RAB3GAP2: variants seen among roughly 807,000 people sequenced by gnomAD.
The protein encoded by RAB3GAP2 is RAB3 GTPase activating non-catalytic protein subunit 2.
A neutral mutation model predicts 185.3 loss-of-function variants in RAB3GAP2; 87 were observed. That is an observed-to-expected ratio of 0.47 (90% confidence interval 0.39 to 0.56). The LOEUF (loss-of-function observed/expected upper bound fraction) is 0.56, where lower values mean the gene tolerates loss of function less well. Ranked by LOEUF, RAB3GAP2 falls within the 20% of genes least tolerant of loss-of-function variation. The pLI, the probability that RAB3GAP2 is intolerant of heterozygous loss-of-function variation, is 0.00. For synonymous variants in RAB3GAP2, 554 were observed against 576.1 expected (o/e 0.96, Z 0.55); for missense variants, 1,492 against 1,638.2 (o/e 0.91, Z 1.54).
At chr1:220,215,972 T>A (rs1423912795) in intron 2 of RAB3GAP2, among the ~76,000 whole-genome samples, 3 of 152,150 alleles carry the variant, frequency 2.0e-5, no homozygotes, top group Non-Finnish European at 4.4e-5. Context: ...CAGAAAATCA[T>A]CCTAGTCAGA....
chr1:220,174,984 G>GA (rs1242205295), intron 21 of RAB3GAP2, among the ~76,000 whole-genome samples: 1 of 152,084 alleles, frequency 6.6e-6, no homozygotes, highest in Non-Finnish European at 1.5e-5. Context: ...TAGGTAGGCT[G>GA]AAAAAATTGG....
At chr1:220,183,034 A>G (rs1188455933) in intron 19 of RAB3GAP2, 103 bp from the exon 20 acceptor site, 24 of 853,430 alleles carry the variant, frequency 2.8e-5, no homozygotes, top group Non-Finnish European at 1.9e-5. Flanking sequence ...TTTAATTAAT[A>G]TAATACCTAT....
intron 9 of RAB3GAP2, among the ~76,000 whole-genome samples, 174 bp downstream of exon 9, chr1:220,202,102 T>C (rs1215138800): frequency 6.6e-6 from 1 of 151,820 alleles, no homozygotes; most frequent in Non-Finnish European, 1.5e-5. Context: ...AAGGTGGAGG[T>C]TGCAGTGAGC....
intron 24 of RAB3GAP2, among the ~76,000 whole-genome samples, chr1:220,170,269 G>T (rs1334984426): frequency 6.6e-6 from 1 of 152,140 alleles, no homozygotes; most frequent in Non-Finnish European, 1.5e-5. Context: ...GCCTGTGGGG[G>T]ATTGCGGGGC....
chr1:220,154,212 T>G (rs1657815428), intron 31 of RAB3GAP2, 155 bp from the exon 32 acceptor site: 2 of 1,110,098 alleles, frequency 1.8e-6, no homozygotes, highest in Non-Finnish European at 2.5e-6. Context: ...AATTATCTAG[T>G]ATATAGTAGA....
At chr1:220,235,055 T>A (rs549876384) in intron 1 of RAB3GAP2, among the ~76,000 whole-genome samples, 1 of 152,266 alleles carries the variant, frequency 6.6e-6, no homozygotes, top group Admixed American at 6.5e-5. Flanking sequence ...CAGAGTACAG[T>A]GTGAGTTCAG....
chr1:220,155,433 A>G (rs1247510112), intron 31 of RAB3GAP2, among the ~76,000 whole-genome samples: 1 of 152,246 alleles, frequency 6.6e-6, no homozygotes, highest in African/African-American at 2.4e-5. Context: ...CATTTTGGAC[A>G]TCACTGAGAG....
intron 2 of RAB3GAP2, among the ~76,000 whole-genome samples, chr1:220,232,106 C>T (rs971037624): frequency 5.9e-5 from 9 of 151,830 alleles, no homozygotes; most frequent in South Asian, 2.1e-4. Flanking sequence ...TAGAAAAATG[C>T]GTAGAATATG....
chr1:220,258,543 A>T (rs6703091), intron 1 of RAB3GAP2, among the ~76,000 whole-genome samples: 15,172 of 152,242 alleles, frequency 0.1, 1,149 homozygotes, highest in African/African-American at 0.21. Context: ...ACATCCCTTC[A>T]TGTTAAAAAC....
At chr1:220,236,230 G>A (rs1159551247) in intron 1 of RAB3GAP2, among the ~76,000 whole-genome samples, 2 of 152,086 alleles carry the variant, frequency 1.3e-5, no homozygotes, top group Non-Finnish European at 2.9e-5. Context: ...AGGCTGGAGT[G>A]CAGTGGTGCC....
At chr1:220,245,861 C>T (rs562217352) in intron 1 of RAB3GAP2, among the ~76,000 whole-genome samples, 1 of 152,258 alleles carries the variant, frequency 6.6e-6, no homozygotes, top group Non-Finnish European at 1.5e-5. Context: ...TCCCTGGCCC[C>T]TGACCCCCGA....
At chr1:220,268,222 T>C (rs1023218414) in intron 1 of RAB3GAP2, among the ~76,000 whole-genome samples, 3 of 152,214 alleles carry the variant, frequency 2.0e-5, no homozygotes, top group African/African-American at 4.8e-5. Context: ...ATGTCATTTT[T>C]TCTCTGTAAA....
Position 220,157,896 on chromosome 1 carries a change from G to A in RAB3GAP2, c.3262-20C>T, listed in dbSNP as rs772407947. The A allele has an allele frequency of 1.6e-5, 26 of 1,589,386 alleles. No homozygotes were observed. The highest frequency in any genetic ancestry group is 8.4e-5 in the Admixed American group (5 of 59,794). ...CACATCCTGTTTTTTAAAAAGGAAC[G>A]TAATTAGGCCCTGCAGGAAAACTGC... On this transcript the variant is annotated intron_variant, in intron 29 of 34. Transcript: ENST00000358951.
In RAB3GAP2 at chr1:220,182,349, A is replaced by G. The variant is rs1193712680; in HGVS notation, c.2218T>C (p.Phe740Leu). 1.9e-6 allele frequency: 3 copies of G among 1,613,930 alleles called. No individual in the cohort carries two copies. The highest frequency in any genetic ancestry group is 2.5e-6 in the Non-Finnish European group (3 of 1,179,950). ...SEEEYVALGS[F>L]FFWKCLHGES... is the part of the protein sequence containing the mutation. ...CCATGCAAACACTTCCAAAAAAAGA[A>G]ACTACCTGGTAGAAGAAAAACAAAG... The change falls in exon 21 of 35, where the codon TTC becomes CTC. Residue 740 changes from phenylalanine (F) to leucine (L), a missense_variant. Around this residue, in one of 5 missense-constraint regions of RAB3GAP2, gnomAD observed 681 missense variants for 689.1 expected, o/e 0.99. Transcript: ENST00000358951.
chr1:220,268,121 A>G (rs1039252569), intron 1 of RAB3GAP2, among the ~76,000 whole-genome samples: 5 of 152,240 alleles, frequency 3.3e-5, no homozygotes, highest in African/African-American at 1.2e-4. Context: ...GCTTCCCAAT[A>G]AACATTTATA....
intron 2 of RAB3GAP2, among the ~76,000 whole-genome samples, chr1:220,228,473 C>G (rs1659443219): frequency 6.6e-6 from 1 of 152,178 alleles, no homozygotes; most frequent in African/African-American, 2.4e-5. Flanking sequence ...CTGGTTGATG[C>G]TGCTGTTCAA....
chr1:220,182,370 C>G lies in RAB3GAP2; in HGVS notation c.2213-16G>C, dbSNP rs1295831221. ...AAGAAACTACCTGGTAGAAGAAAAA[C>G]AAAGCACATTAATCAATGACTACTT... On this transcript the variant is annotated splice_polypyrimidine_tract_variant and intron_variant, in intron 20 of 34. Coordinates refer to ENST00000358951, the MANE Select transcript of RAB3GAP2 (RefSeq NM_012414.4). 1.2e-6 allele frequency: 2 copies of G among 1,613,596 alleles called. No individual in the cohort carries two copies. Among genetic ancestry groups the G allele is most frequent in the Non-Finnish European group, 1.7e-6 (2 of 1,179,830 alleles).
At chr1:220,251,366 G>A (rs1419181702) in intron 1 of RAB3GAP2, among the ~76,000 whole-genome samples, 2 of 151,974 alleles carry the variant, frequency 1.3e-5, no homozygotes, top group African/African-American at 4.8e-5. Context: ...AAAAGGCAAA[G>A]GTTAAGAGAT....
At chr1:220,247,107 T>C (rs535549550) in intron 1 of RAB3GAP2, among the ~76,000 whole-genome samples, 3 of 152,042 alleles carry the variant, frequency 2.0e-5, no homozygotes, top group East Asian at 1.9e-4. Context: ...CAAAAAACAA[T>C]AGATGTTGGC....
Sources: allele counts gnomAD v4.1 joint callset (sites outside exome capture counted in the v4.1 genomes callset), GRCh38; gene constraint gnomAD v4.1.1; regional missense constraint gnomAD v4.1.1; transcripts MANE v1.5; gene names NCBI Gene and HGNC (gene_info 2026-07-23, HGNC 2026-07-21).